PRKN: variants seen among roughly 807,000 people sequenced by gnomAD.
PRKN encodes parkin RBR E3 ubiquitin protein ligase.
In PRKN, 56 loss-of-function variants were observed where a neutral mutation model predicts 59.5. The ratio of observed to expected loss-of-function variants is 0.94; its 90% CI spans 0.76 to 1.18. The LOEUF is 1.18. PRKN is among the 50% of genes most tolerant of loss of function. The probability of loss-of-function intolerance (pLI) is 0.00; values close to 1 mark genes in which losing one functional copy is unlikely to be tolerated. For missense variants in PRKN, 657 were observed against 596.4 expected (o/e 1.10, Z -1.06); for synonymous variants, 250 against 222.1 (o/e 1.13, Z -1.12).
chr6:161,721,685 G>A (rs1426653868), intron 7 of PRKN, among the ~76,000 whole-genome samples: 1 of 152,192 alleles, frequency 6.6e-6, no homozygotes, highest in East Asian at 1.9e-4. Context: ...TGCTGGGGCT[G>A]CGTGGATGGC....
At chr6:161,351,799 G>A (rs1784563546) in intron 11 of PRKN, among the ~76,000 whole-genome samples, 1 of 152,180 alleles carries the variant, frequency 6.6e-6, no homozygotes, top group Non-Finnish European at 1.5e-5. Flanking sequence ...ATTTCCCCAA[G>A]GTGAAGCACT....
In PRKN at chr6:162,430,173, C is replaced by CGATGATGAT. The variant is rs147505180; in HGVS notation, c.171+13128_171+13136dup. Among the ~76,000 whole-genome samples the CGATGATGAT allele has an allele frequency of 1.9e-4, 29 of 150,968 alleles. No homozygotes were observed. The East Asian group carries it at 3.0e-3, about 15-fold the overall frequency. On this transcript the variant is annotated intron_variant, in intron 2 of 11. Coordinates refer to ENST00000366898, the MANE Select transcript of PRKN (RefSeq NM_004562.3). ...ATGATGACGATGACGACGACGACGA[C>CGATGATGAT]GATGATGATGATGATGTTAAAATCA...
At chr6:162,431,822 A>G (rs1218210078) in intron 2 of PRKN, among the ~76,000 whole-genome samples, 1 of 152,202 alleles carries the variant, frequency 6.6e-6, no homozygotes, top group East Asian at 1.9e-4. Flanking sequence ...AATGTATTAT[A>G]TTTTTCAAAT....
At chr6:161,955,311 C>T (rs1185263318) in intron 6 of PRKN, among the ~76,000 whole-genome samples, 1 of 152,004 alleles carries the variant, frequency 6.6e-6, no homozygotes, top group Non-Finnish European at 1.5e-5. Context: ...GCCAAAGGTC[C>T]CCATTGGGAA....
intron 1 of PRKN, among the ~76,000 whole-genome samples, chr6:162,479,757 G>GTTTGT (rs1792200944): frequency 6.7e-6 from 1 of 148,554 alleles, no homozygotes; most frequent in African/African-American, 2.5e-5. Context: ...ACAGTTATCT[G>GTTTGT]TTTTTTTTTC....
At chr6:162,188,676 T>A (rs1031179383) in intron 4 of PRKN, among the ~76,000 whole-genome samples, 2 of 151,598 alleles carry the variant, frequency 1.3e-5, no homozygotes, top group African/African-American at 4.9e-5. Flanking sequence ...TTTTTAATGC[T>A]TGAATCGTAA....
At chr6:161,492,425 TG>T (rs1487372276) in intron 9 of PRKN, among the ~76,000 whole-genome samples, 3 of 152,230 alleles carry the variant, frequency 2.0e-5, no homozygotes, top group African/African-American at 7.2e-5. Context: ...TAAGAACTCC[TG>T]GGAGGAGACC....
At chr6:162,710,567 G>A (rs1248901638) in intron 1 of PRKN, among the ~76,000 whole-genome samples, 1 of 152,058 alleles carries the variant, frequency 6.6e-6, no homozygotes, top group Non-Finnish European at 1.5e-5. Flanking sequence ...CCTTGTAAAG[G>A]TGCCCTCTGG....
intron 4 of PRKN, among the ~76,000 whole-genome samples, chr6:162,066,511 G>A (rs951012229): frequency 6.6e-6 from 1 of 152,266 alleles, no homozygotes; most frequent in South Asian, 2.1e-4. Context: ...AATGGAAAGC[G>A]TTTAAGTCAC....
chr6:162,080,955 A>C (rs1779031205), intron 4 of PRKN, among the ~76,000 whole-genome samples: 1 of 152,120 alleles, frequency 6.6e-6, no homozygotes, highest in Non-Finnish European at 1.5e-5. Flanking sequence ...CATCAGGAGT[A>C]GGTTTCATCT....
intron 6 of PRKN, among the ~76,000 whole-genome samples, chr6:161,867,299 A>G (rs976099215): frequency 4.6e-5 from 7 of 152,136 alleles, no homozygotes; most frequent in Admixed American, 1.3e-4. Flanking sequence ...TTCTGCAACT[A>G]CTCAACTTCA....
intron 7 of PRKN, among the ~76,000 whole-genome samples, chr6:161,586,766 C>G (rs910094638): frequency 1.3e-5 from 2 of 152,168 alleles, no homozygotes; most frequent in Admixed American, 1.3e-4. Context: ...CAATTTACAT[C>G]TAAGTTCATC....
intron 7 of PRKN, among the ~76,000 whole-genome samples, chr6:161,663,925 C>G (rs1196285892): frequency 6.6e-6 from 1 of 152,138 alleles, no homozygotes; most frequent in African/African-American, 2.4e-5. Flanking sequence ...TTGGCTCCGC[C>G]CCTAGCTGGC....
rs555999929 is a variant in PRKN at position 162,249,800 on chromosome 6, G to C, written c.412+12725C>G. 3.2e-4 allele frequency among the ~76,000 whole-genome samples: 48 copies of C among 152,150 alleles called. No individual in the cohort carries two copies. In the South Asian group the frequency reaches 4.8e-3, roughly 15 times the overall value. ...TAAAAAATAAGGCCATGTTTCATCT[G>C]GATGAAAATAGCATTTTTCTGTGAT... On this transcript the variant is annotated intron_variant, in intron 3 of 11. Coordinates refer to ENST00000366898, the MANE Select transcript of PRKN (RefSeq NM_004562.3).
At chr6:162,490,504 T>A (rs985234061) in intron 1 of PRKN, among the ~76,000 whole-genome samples, 21 of 152,308 alleles carry the variant, frequency 1.4e-4, no homozygotes, top group African/African-American at 4.3e-4. Flanking sequence ...CAACACTTAA[T>A]TCCAGAATCC....
chr6:162,021,145 TATATATATATATATATATATAA>T (rs1783151331), intron 5 of PRKN, among the ~76,000 whole-genome samples: 1 of 8,730 alleles, frequency 1.1e-4, no homozygotes, highest in African/African-American at 4.8e-4. Flanking sequence ...TATATATATA[TATATATATATATATATATATAA>T]AATATATGTG....
rs1653846852 is a variant in PRKN at position 161,353,397 on chromosome 6, A to C, written c.1286-3186T>G. Among the ~76,000 whole-genome samples the C allele has an allele frequency of 6.6e-6, 1 of 152,106 alleles. No individual in the cohort carries two copies. Among genetic ancestry groups the C allele is most frequent in the African/African-American group, 2.4e-5 (1 of 41,432 alleles). On this transcript the variant is annotated intron_variant, in intron 11 of 11. Coordinates refer to ENST00000366898, the MANE Select transcript of PRKN (RefSeq NM_004562.3). This position sits in a 1 kb window ranked among gnomAD's most constrained non-coding sequence, Gnocchi z 4.8. ...GCAGGGTCTCCCCACTCCATCTTTT[A>C]GCGTGAGATCAAAGCCTTTCTGTCC...
At chr6:161,425,669 G>T (rs1167604405) in intron 9 of PRKN, among the ~76,000 whole-genome samples, 1 of 152,144 alleles carries the variant, frequency 6.6e-6, no homozygotes, top group Non-Finnish European at 1.5e-5. Flanking sequence ...CACTGGAGAG[G>T]TGTCTTCAGG....
chr6:162,442,524 A>T (rs571724090), intron 2 of PRKN, among the ~76,000 whole-genome samples: 2 of 152,258 alleles, frequency 1.3e-5, no homozygotes, highest in East Asian at 3.9e-4. Flanking sequence ...TGGTGGTATT[A>T]TCAGTCACCT....
Sources: allele counts gnomAD v4.1 joint callset (sites outside exome capture counted in the v4.1 genomes callset), GRCh38; gene constraint gnomAD v4.1.1; non-coding constraint Gnocchi (gnomAD v3.1); transcripts MANE v1.5; gene names NCBI Gene and HGNC (gene_info 2026-07-23, HGNC 2026-07-21).